The following B3GAT2 variants were observed in gnomAD, a reference collection of about 807,000 sequenced individuals.
The protein encoded by B3GAT2 is beta-1,3-glucuronyltransferase 2.
In B3GAT2, 26 loss-of-function variants were observed where a neutral mutation model predicts 27.8. That is an observed-to-expected ratio of 0.93 (90% CI 0.68 to 1.30). B3GAT2 has a LOEUF of 1.30. Among genes scored for constraint, B3GAT2 ranks in the 50% most tolerant of loss-of-function variants. The pLI, the probability that B3GAT2 is intolerant of heterozygous loss-of-function variation, is 0.00. For missense variants in B3GAT2, 458 were observed against 459.0 expected (o/e 1.00, Z 0.02); for synonymous variants, 218 against 195.1 (o/e 1.12, Z -0.98).
At chr6:70,910,020 CCCA>C in intron 1 of B3GAT2, among the ~76,000 whole-genome samples, 1 of 149,652 alleles carries the variant, frequency 6.7e-6, no homozygotes, top group South Asian at 2.1e-4. Context: ...ACTGCAAAAG[CCCA>C]CCACCACACC....
At chr6:70,896,495 C>T (rs1359750753) in intron 1 of B3GAT2, among the ~76,000 whole-genome samples, 2 of 152,030 alleles carry the variant, frequency 1.3e-5, no homozygotes, top group African/African-American at 4.8e-5. Context: ...ATTAACACAC[C>T]CAGCACCCCC....
At chr6:70,926,032 C>T (rs886687643) in intron 1 of B3GAT2, among the ~76,000 whole-genome samples, 4 of 152,174 alleles carry the variant, frequency 2.6e-5, no homozygotes, top group Non-Finnish European at 4.4e-5. Flanking sequence ...AGGCAAACAG[C>T]GTCTGGAGTA....
At chr6:70,943,163 G>GT (rs534139056) in intron 1 of B3GAT2, among the ~76,000 whole-genome samples, 4,977 of 152,070 alleles carry the variant, frequency 0.033, 140 homozygotes, top group Non-Finnish European at 0.053. Flanking sequence ...AAGTTTTCTT[G>GT]TTTTTTTTAA....
chr6:70,919,064 T>C (rs1772824296), intron 1 of B3GAT2, among the ~76,000 whole-genome samples: 1 of 152,196 alleles, frequency 6.6e-6, no homozygotes, highest in African/African-American at 2.4e-5. Context: ...TTTCACATAG[T>C]CCCGTATTTC....
At chr6:70,874,500 A>T (rs1357256032) in intron 2 of B3GAT2, among the ~76,000 whole-genome samples, 2 of 152,176 alleles carry the variant, frequency 1.3e-5, no homozygotes, top group Non-Finnish European at 2.9e-5. Context: ...GGGAAGACTG[A>T]GGACTTTGTA....
intron 2 of B3GAT2, among the ~76,000 whole-genome samples, chr6:70,880,362 A>G (rs923402972): frequency 1.3e-5 from 2 of 152,174 alleles, no homozygotes; most frequent in Non-Finnish European, 2.9e-5. Flanking sequence ...ACCATAATTT[A>G]CAAATGAAGA....
intron 1 of B3GAT2, among the ~76,000 whole-genome samples, chr6:70,951,313 T>G (rs1262763220): frequency 6.6e-6 from 1 of 152,200 alleles, no homozygotes; most frequent in African/African-American, 2.4e-5. Flanking sequence ...TAAAAGCAAT[T>G]ACTATTCCAT....
chr6:70,928,548 C>T (rs1773004148), intron 1 of B3GAT2, among the ~76,000 whole-genome samples: 1 of 152,120 alleles, frequency 6.6e-6, no homozygotes, highest in South Asian at 2.1e-4. Flanking sequence ...TCAGAGAATA[C>T]TATAAACACT....
intron 1 of B3GAT2, among the ~76,000 whole-genome samples, chr6:70,944,050 T>C (rs1765435839): frequency 6.6e-6 from 1 of 152,208 alleles, no homozygotes; most frequent in African/African-American, 2.4e-5. Context: ...CAAAACATTA[T>C]AGTCTACACA....
chr6:70,953,744 A>G (rs1303480272), intron 1 of B3GAT2, among the ~76,000 whole-genome samples: 2 of 152,190 alleles, frequency 1.3e-5, no homozygotes, highest in African/African-American at 4.8e-5. Flanking sequence ...CAATTGTACA[A>G]AAGTTTAGTG....
intron 1 of B3GAT2, among the ~76,000 whole-genome samples, chr6:70,913,142 T>A (rs907766630): frequency 1.3e-5 from 2 of 152,158 alleles, no homozygotes; most frequent in Non-Finnish European, 1.5e-5. Context: ...GTCTTTTATA[T>A]CATTTTCCTG....
At chr6:70,862,982 A>G (rs1771787835) in intron 2 of B3GAT2, among the ~76,000 whole-genome samples, 2 of 152,186 alleles carry the variant, frequency 1.3e-5, no homozygotes, top group Admixed American at 1.3e-4. Context: ...TGTCTCAAAG[A>G]AAAAAGAATC....
At chr6:70,885,782 G>C (rs560616045) in intron 2 of B3GAT2, among the ~76,000 whole-genome samples, 46 of 152,240 alleles carry the variant, frequency 3.0e-4, no homozygotes, top group African/African-American at 1.1e-3. Flanking sequence ...TAATCTACAG[G>C]TATTAGGAAG....
rs1772695920 is a variant in B3GAT2 at position 70,911,987 on chromosome 6, C to T, written c.592-17715G>A. ...TAAAGGAATGCAACTTATTTTTGCA[C>T]AGTGATTTTGTACACTGCAACTTTG... On this transcript the variant is annotated intron_variant, in intron 1 of 3. Transcript: ENST00000230053. Among the ~76,000 whole-genome samples, 8 of 152,138 alleles carry T rather than the reference C, an allele frequency of 5.3e-5. No individual in the cohort carries two copies. In the South Asian group the frequency reaches 1.7e-3, roughly 32 times the overall value.
At chr6:70,908,020 ATACAAG>A (rs545049261) in intron 1 of B3GAT2, among the ~76,000 whole-genome samples, 7 of 152,368 alleles carry the variant, frequency 4.6e-5, no homozygotes, top group Non-Finnish European at 8.8e-5. Context: ...TTTCAACAAT[ATACAAG>A]ATTCTTCATA....
intron 1 of B3GAT2, among the ~76,000 whole-genome samples, chr6:70,939,264 T>C (rs545689768): frequency 4.2e-4 from 47 of 112,330 alleles, no homozygotes; most frequent in African/African-American, 1.6e-3. Context: ...CTGGAGAGGA[T>C]GTGGAGAAAT....
At position 70,861,542 on chromosome 6, in the gene B3GAT2, A is replaced by G; in HGVS notation, c.*121T>C. ...TTAAACAGATGTCCATCAGATGACA[A>G]GAAAGGCTGCTGTACTGAAGTAAAA... On this transcript the variant is annotated 3_prime_UTR_variant, in exon 4 of 4. Transcript: ENST00000230053. The G allele has an allele frequency of 1.2e-6, 1 of 826,166 alleles. No homozygotes were observed. Among genetic ancestry groups the G allele is most frequent in the Non-Finnish European group, 1.9e-6 (1 of 517,692 alleles). The allele number at this position is 826,166 out of a possible 1,614,324, so 51.2% of individuals were successfully genotyped here.
intron 2 of B3GAT2, among the ~76,000 whole-genome samples, chr6:70,886,092 G>A (rs1772179579): frequency 6.6e-6 from 1 of 152,164 alleles, no homozygotes; most frequent in Admixed American, 6.5e-5. Context: ...GTCTGATTTT[G>A]TGAAAAATTT....
intron 1 of B3GAT2, among the ~76,000 whole-genome samples, chr6:70,926,702 G>A (rs777612465): frequency 1.3e-5 from 2 of 152,178 alleles, no homozygotes; most frequent in Non-Finnish European, 2.9e-5. Context: ...ACGTTTCATT[G>A]GTGTACCTGA....
Sources: allele counts gnomAD v4.1 joint callset (sites outside exome capture counted in the v4.1 genomes callset), GRCh38; gene constraint gnomAD v4.1.1; transcripts MANE v1.5; gene names NCBI Gene and HGNC (gene_info 2026-07-23, HGNC 2026-07-21).